Variants in ARIH1 observed in about 807,000 individuals in gnomAD.
ARIH1 encodes the protein E3 ubiquitin-protein ligase ARIH1.
A neutral mutation model predicts 85.0 loss-of-function variants in ARIH1; 8 were observed. The ratio of observed to expected loss-of-function variants is 0.09; its 90% CI spans 0.06 to 0.17. The LOEUF is 0.17. Among genes scored for constraint, ARIH1 ranks in the 10% least tolerant of loss-of-function variants. The probability of loss-of-function intolerance (pLI) is 1.00; values close to 1 mark genes in which losing one functional copy is unlikely to be tolerated. For synonymous variants in ARIH1, 238 were observed against 253.6 expected (o/e 0.94, Z 0.59); for missense variants, 311 against 718.1 (o/e 0.43, Z 6.48).
intron 10 of ARIH1, 72 bp from the exon 11 acceptor site, chr15:72,572,036 A>G: frequency 8.8e-7 from 1 of 1,132,198 alleles, no homozygotes; most frequent in Non-Finnish European, 1.3e-6. Context: ...TCCAGGTTAA[A>G]ATTCTGATTT....
At chr15:72,481,752 T>C (rs1422525350) in intron 1 of ARIH1, among the ~76,000 whole-genome samples, 6 of 152,230 alleles carry the variant, frequency 3.9e-5, no homozygotes, top group Non-Finnish European at 7.3e-5. Context: ...ATCATAGGGT[T>C]GGAAGATGTT....
chr15:72,493,953 CATAT>C (rs1194347978), intron 1 of ARIH1, among the ~76,000 whole-genome samples: 1 of 152,028 alleles, frequency 6.6e-6, no homozygotes, highest in Non-Finnish European at 1.5e-5. Flanking sequence ...TTAAAAAAAA[CATAT>C]ATATCTGCCT....
chr15:72,543,556 A>G (rs2064116894), intron 2 of ARIH1, among the ~76,000 whole-genome samples: 1 of 152,192 alleles, frequency 6.6e-6, no homozygotes, highest in Non-Finnish European at 1.5e-5. Flanking sequence ...TTTATAAAAA[A>G]GATATTTATT....
At position 72,474,726 on chromosome 15, in the gene ARIH1, C is replaced by G. The variant is rs761158526; in HGVS notation, c.87C>G (p.Asp29Glu). ...ACAGCGGCGCCGAGGAGGAGGAGGA[C>G]GAAGACGACGACGAGCCGGACGATG... The part of the protein sequence containing the change: ...EEDSGAEEEE[D>E]EDDDEPDDDT... Residue 29 changes from aspartate to glutamate, a missense_variant, in exon 1 of 14, where the codon GAC becomes GAG. Physicochemically the swap from Asp to Glu is conservative, Grantham distance 45. Coordinates refer to ENST00000379887, the MANE Select transcript of ARIH1 (RefSeq NM_005744.5). The G allele has an allele frequency of 1.3e-6, 2 of 1,561,676 alleles. No homozygotes were observed. Among genetic ancestry groups the G allele is most frequent in the Non-Finnish European group, 1.7e-6 (2 of 1,155,138 alleles).
In ARIH1 at chr15:72,531,931, A is replaced by G. The variant is rs969442615; in HGVS notation, c.444-12889A>G. Among the ~76,000 whole-genome samples, 15 of 152,222 alleles carry G rather than the reference A, an allele frequency of 9.9e-5. 1 individual carries two copies. The highest frequency in any genetic ancestry group is 3.6e-4 in the African/African-American group (15 of 41,464). ...AAATACTCATAATTGTTATTTAAGC[A>G]ACTATTTGTCTGTTAAAGGGAAAAA... On this transcript the variant is annotated intron_variant, in intron 2 of 13. Transcript: ENST00000379887.
At chr15:72,519,565 C>A (rs2063990653) in intron 2 of ARIH1, among the ~76,000 whole-genome samples, 1 of 142,414 alleles carries the variant, frequency 7.0e-6, no homozygotes, top group South Asian at 2.3e-4. Context: ...CTCACTGCAA[C>A]CTCCACCTCC....
At chr15:72,549,075 C>A (rs74247706) in intron 3 of ARIH1, among the ~76,000 whole-genome samples, 1 of 150,564 alleles carries the variant, frequency 6.6e-6, no homozygotes, top group Non-Finnish European at 1.5e-5. Flanking sequence ...TCGACTACAG[C>A]GTCTCTCTCT....
rs1420258600 is a variant in ARIH1, at chr15:72,583,996, A to G, written c.*704A>G. On this transcript the variant is annotated 3_prime_UTR_variant, in exon 14 of 14. Transcript: ENST00000379887. ...TACAAAAAAATATTTATTCTTTAAA[A>G]ATCTTCAAGATTATGTCTATTTGCT... 3.9e-5 allele frequency: 6 copies of G among 152,232 alleles called. No individual in the cohort carries two copies. 9.4% of individuals were successfully genotyped at this position (152,232 alleles called of 1,614,324 possible).
chr15:72,560,891 C>T (rs1245780127), intron 5 of ARIH1, among the ~76,000 whole-genome samples: 3 of 152,112 alleles, frequency 2.0e-5, no homozygotes, highest in African/African-American at 4.8e-5. Context: ...TTCCTCACTA[C>T]GTGGGATCCT....
rs981449158 is a variant in ARIH1 at position 72,589,461 on chromosome 15, C to T, written c.*6169C>T. 3.3e-5 allele frequency: 5 copies of T among 152,112 alleles called. No homozygotes were observed. The highest frequency in any genetic ancestry group is 9.7e-5 in the African/African-American group (4 of 41,418). 9.4% of individuals were successfully genotyped at this position (152,112 alleles called of 1,614,324 possible). A position where few individuals can be genotyped will look rare whatever the true frequency, so the allele number is the denominator to read the frequency against. On this transcript the variant is annotated 3_prime_UTR_variant, in exon 14 of 14. Coordinates refer to ENST00000379887, the MANE Select transcript of ARIH1 (RefSeq NM_005744.5). ...GGGAACTAGAAAACCATTTTGGACC[C>T]CTAAAGTGGTATTGTCTACTATCTG...
intron 1 of ARIH1, among the ~76,000 whole-genome samples, chr15:72,479,766 G>C (rs902338254): frequency 1.3e-5 from 2 of 151,954 alleles, no homozygotes; most frequent in African/African-American, 4.8e-5. Flanking sequence ...TCTGTTGGCT[G>C]TTGGTTCGAA....
chr15:72,483,975 C>A (rs1435556461), intron 1 of ARIH1, among the ~76,000 whole-genome samples: 1 of 151,012 alleles, frequency 6.6e-6, no homozygotes, highest in African/African-American at 2.4e-5. Flanking sequence ...AGTTCGAGAC[C>A]AGCCTGGCCA....
At chr15:72,487,349 T>G (rs76640452) in intron 1 of ARIH1, among the ~76,000 whole-genome samples, 1,632 of 152,310 alleles carry the variant, frequency 0.011, 26 homozygotes, top group African/African-American at 0.038. Flanking sequence ...TGGCTCTAAT[T>G]ACCTGGTAAT....
At chr15:72,559,240 T>A (rs2064187468) in intron 5 of ARIH1, among the ~76,000 whole-genome samples, 1 of 152,144 alleles carries the variant, frequency 6.6e-6, no homozygotes, top group Admixed American at 6.6e-5. Context: ...TTCAAACCTG[T>A]GTTGTTTAAG....
intron 9 of ARIH1, among the ~76,000 whole-genome samples, chr15:72,568,280 T>C (rs897131197): frequency 1.3e-5 from 2 of 152,242 alleles, no homozygotes; most frequent in African/African-American, 4.8e-5. Context: ...AGCCAAGCAT[T>C]CTTTTTTTGA....
chr15:72,513,307 T>TA (rs1222247058), intron 1 of ARIH1, among the ~76,000 whole-genome samples: 1 of 152,198 alleles, frequency 6.6e-6, no homozygotes, highest in Non-Finnish European at 1.5e-5. Flanking sequence ...CTCTTGGTCT[T>TA]ACTATTTTAG....
chr15:72,555,485 ACTAAAGATAATAGGCTTTTTC>A, intron 4 of ARIH1, 122 bp downstream of exon 4: 1 of 704,626 alleles, frequency 1.4e-6, no homozygotes, highest in Non-Finnish European at 2.4e-6. Flanking sequence ...GATTCAAACA[ACTAAAGATAATAGGCTTTTTC>A]CTAAAGTAAT....
In ARIH1 at chr15:72,550,915, G is replaced by A. The variant is rs368852942; in HGVS notation, c.589-4356G>A. Among the ~76,000 whole-genome samples the A allele has an allele frequency of 6.6e-5, 10 of 152,132 alleles. 1 individual carries two copies. The highest frequency in any genetic ancestry group is 5.9e-4 in the Admixed American group (9 of 15,286). The stretch of plus-strand genomic sequence containing the variant: ...TTGAACTCCCGACCTCAGGTGATCC[G>A]CCTGCCTCAGCCTCCCAAAGTGCTC... On this transcript the variant is annotated intron_variant, in intron 3 of 13. Transcript: ENST00000379887.
chr15:72,521,676 G>A (rs556988284), intron 2 of ARIH1, among the ~76,000 whole-genome samples: 1 of 152,100 alleles, frequency 6.6e-6, no homozygotes, highest in East Asian at 1.9e-4. Flanking sequence ...AGCCTCCTGA[G>A]TAGCTGGGGT....
Sources: allele counts gnomAD v4.1 joint callset (sites outside exome capture counted in the v4.1 genomes callset), GRCh38; gene constraint gnomAD v4.1.1; transcripts MANE v1.5; gene names NCBI Gene and HGNC (gene_info 2026-07-23, HGNC 2026-07-21).